The following TCF12 variants were observed in gnomAD, a reference collection of about 807,000 sequenced individuals.
The protein encoded by TCF12 is DNA-binding protein HTF4.
Under a neutral mutation model 86.0 loss-of-function variants are expected in TCF12, and 45 were observed. The ratio of observed to expected loss-of-function variants is 0.52; its 90% CI spans 0.41 to 0.67. TCF12 has a LOEUF of 0.67. Ranked by LOEUF, TCF12 falls within the 30% of genes least tolerant of loss-of-function variation. TCF12 has a pLI of 0.00. For missense variants in TCF12, 881 were observed against 859.9 expected (o/e 1.02, Z -0.31); for synonymous variants, 330 against 299.6 (o/e 1.10, Z -1.05).
At chr15:57,013,599 G>A (rs1299544201) in intron 3 of TCF12, among the ~76,000 whole-genome samples, 1 of 152,170 alleles carries the variant, frequency 6.6e-6, no homozygotes, top group Admixed American at 6.5e-5. Context: ...GGGATTATAG[G>A]TGTGAGCCAC....
intron 3 of TCF12, among the ~76,000 whole-genome samples, chr15:56,953,668 A>G (rs2140472744): frequency 6.6e-6 from 1 of 152,176 alleles, no homozygotes; most frequent in African/African-American, 2.4e-5. Flanking sequence ...TGTGTTTCTC[A>G]AAGATTGTTT....
At chr15:57,095,511 T>C (rs2049265205) in intron 5 of TCF12, among the ~76,000 whole-genome samples, 1 of 152,248 alleles carries the variant, frequency 6.6e-6, no homozygotes, top group African/African-American at 2.4e-5. Context: ...CCTCCATGTT[T>C]ATAAGCTTTA....
intron 6 of TCF12, among the ~76,000 whole-genome samples, chr15:57,171,098 C>G (rs1200520429): frequency 1.3e-5 from 2 of 151,380 alleles, no homozygotes; most frequent in Non-Finnish European, 2.9e-5. Context: ...GTTTAGCAAA[C>G]AGTTTATAAA....
intron 3 of TCF12, among the ~76,000 whole-genome samples, chr15:57,048,666 A>C (rs1596296540): frequency 6.6e-6 from 1 of 151,774 alleles, no homozygotes; most frequent in Non-Finnish European, 1.5e-5. Flanking sequence ...TCAACCTATC[A>C]TTTTGGTTTG....
At chr15:57,072,371 TAA>T (rs2069478133) in intron 4 of TCF12, among the ~76,000 whole-genome samples, 1 of 152,216 alleles carries the variant, frequency 6.6e-6, no homozygotes, top group Non-Finnish European at 1.5e-5. Context: ...TTGATTTTGA[TAA>T]ATAGTTTTCC....
intron 5 of TCF12, chr15:57,109,429 A>C (rs894299523): frequency 4.6e-5 from 7 of 152,218 alleles, no homozygotes; most frequent in Non-Finnish European, 5.9e-5. Context: ...GATAATACTT[A>C]ATATTGTAAA....
chr15:57,173,730 C>T (rs1165705754), intron 6 of TCF12, among the ~76,000 whole-genome samples: 3 of 148,166 alleles, frequency 2.0e-5, no homozygotes, highest in Admixed American at 1.4e-4. Flanking sequence ...TTTTTTTAGA[C>T]AGAGTCTCAC....
At position 57,289,559 on chromosome 15, in the gene TCF12, CAT is replaced by C. The variant is rs2062036263; in HGVS notation, c.*3415_*3416del. ...TATTTCATTTTTCTTTTCTATAGTT[CAT>C]GTTTTCTTTTTCCTTGGAAACTCAA... On this transcript the variant is annotated 3_prime_UTR_variant, in exon 21 of 21. Coordinates refer to ENST00000333725, the MANE Select transcript of TCF12 (RefSeq NM_207037.2). 6.6e-6 allele frequency: 1 copy of C among 151,784 alleles called. No individual in the cohort carries two copies. Among genetic ancestry groups the C allele is most frequent in the Non-Finnish European group, 1.5e-5 (1 of 67,968 alleles). The allele number at this position is 151,784 out of a possible 1,614,324, so 9.4% of individuals were successfully genotyped here. A position where few individuals can be genotyped will look rare whatever the true frequency, so the allele number is the denominator to read the frequency against.
intron 11 of TCF12, among the ~76,000 whole-genome samples, chr15:57,233,246 C>T (rs527691022): frequency 1.7e-4 from 26 of 151,990 alleles, no homozygotes; most frequent in African/African-American, 3.9e-4. Context: ...AGTCATGGCT[C>T]ACTGCAGCCT....
At chr15:56,951,578 T>C (rs1364938540) in intron 3 of TCF12, among the ~76,000 whole-genome samples, 2 of 152,332 alleles carry the variant, frequency 1.3e-5, no homozygotes, top group East Asian at 1.9e-4. Context: ...TATTCTTTTA[T>C]GGATTGTGCT....
At chr15:56,926,617 G>A (rs1211560302) in intron 3 of TCF12, among the ~76,000 whole-genome samples, 1 of 152,156 alleles carries the variant, frequency 6.6e-6, no homozygotes, top group African/African-American at 2.4e-5. Flanking sequence ...CCAAGGGCCT[G>A]TACAGTTCAG....
At chr15:57,247,630 A>G (rs1315458978) in intron 13 of TCF12, 3 of 790,440 alleles carry the variant, frequency 3.8e-6, no homozygotes, top group Admixed American at 1.7e-5. Context: ...CTCTTAAATT[A>G]TATTCTTCTG....
intron 3 of TCF12, among the ~76,000 whole-genome samples, chr15:56,943,258 G>A (rs563097249): frequency 1.3e-5 from 2 of 152,228 alleles, no homozygotes; most frequent in East Asian, 1.9e-4. Context: ...ACTGATTTTA[G>A]TAGGATCTGT....
chr15:57,233,269 T>C (rs1279784340), intron 11 of TCF12, among the ~76,000 whole-genome samples: 1 of 151,826 alleles, frequency 6.6e-6, no homozygotes, highest in Non-Finnish European at 1.5e-5. Context: ...ACCTCCAAGG[T>C]TGAGGAGGTG....
At chr15:57,072,369 GATAA>G (rs747359395) in intron 4 of TCF12, among the ~76,000 whole-genome samples, 1 of 152,156 alleles carries the variant, frequency 6.6e-6, no homozygotes, top group African/African-American at 2.4e-5. Flanking sequence ...GTTTGATTTT[GATAA>G]ATAGTTTTCC....
At chr15:57,090,388 G>C (rs575299516) in intron 4 of TCF12, among the ~76,000 whole-genome samples, 2 of 152,314 alleles carry the variant, frequency 1.3e-5, no homozygotes, top group Non-Finnish European at 2.9e-5. Flanking sequence ...ATGGCACCCA[G>C]ATTCTTCTTG....
chr15:56,927,300 T>C (rs1004676132), intron 3 of TCF12, among the ~76,000 whole-genome samples: 2 of 152,192 alleles, frequency 1.3e-5, no homozygotes, highest in African/African-American at 4.8e-5. Context: ...AGTTAATACA[T>C]AGTCATAATT....
intron 12 of TCF12, among the ~76,000 whole-genome samples, chr15:57,241,249 G>A (rs913286980): frequency 2.0e-5 from 3 of 151,824 alleles, no homozygotes; most frequent in Admixed American, 6.6e-5. Context: ...CGCCCACCAC[G>A]CCCGACTAAT....
intron 3 of TCF12, among the ~76,000 whole-genome samples, chr15:57,026,773 C>T (rs747521867): frequency 2.8e-4 from 43 of 151,774 alleles, no homozygotes; most frequent in Non-Finnish European, 4.9e-4. Flanking sequence ...TTCTTGATGT[C>T]CGTGGGGGAT....
Sources: gnomAD v4.1 joint callset for allele counts (sites outside exome capture counted in the v4.1 genomes callset) on GRCh38, gnomAD v4.1.1 for gene constraint, MANE v1.5 for transcripts, NCBI Gene and HGNC (gene_info 2026-07-23, HGNC 2026-07-21) for gene names.